The following NHSL1 variants were observed in gnomAD, a reference collection of about 807,000 sequenced individuals.
NHSL1 encodes NHS-like protein 1.
NHSL1 carries 48 observed loss-of-function variants against 95.0 expected under a neutral mutation model. That is an observed-to-expected ratio of 0.51 (90% CI 0.40 to 0.64). The LOEUF (loss-of-function observed/expected upper bound fraction) is 0.64. NHSL1 is among the 30% of genes least tolerant of loss of function. NHSL1 has a pLI of 0.00. For missense variants in NHSL1, 1,971 were observed against 2,077.7 expected (o/e 0.95, Z 1.00); for synonymous variants, 783 against 833.9 (o/e 0.94, Z 1.05).
At chr6:138,472,237 G>T (rs1219220637) in intron 3 of NHSL1, among the ~76,000 whole-genome samples, 1 of 149,564 alleles carries the variant, frequency 6.7e-6, no homozygotes, top group African/African-American at 2.5e-5. Flanking sequence ...ATCATTTGAA[G>T]ATCAAAAATT....
intron 3 of NHSL1, among the ~76,000 whole-genome samples, chr6:138,458,280 T>C (rs542445928): frequency 1.3e-3 from 199 of 152,328 alleles, no homozygotes; most frequent in African/African-American, 4.5e-3. Flanking sequence ...CCTAACTCTA[T>C]GTTCTCATAC....
chr6:138,479,134 G>A (rs1441218565), intron 2 of NHSL1, among the ~76,000 whole-genome samples: 1 of 152,134 alleles, frequency 6.6e-6, no homozygotes, highest in Non-Finnish European at 1.5e-5. Flanking sequence ...CTATTGCTAT[G>A]TTTTTTTCCT....
At chr6:138,575,101 G>C (rs1263754234), upstream of NHSL1, among the ~76,000 whole-genome samples, 1 of 152,096 alleles carries the variant, frequency 6.6e-6, no homozygotes, top group East Asian at 1.9e-4. Flanking sequence ...GTTTCTCCAT[G>C]TTGGTCAGGC....
chr6:138,452,661 C>T (rs1417308431), intron 3 of NHSL1, among the ~76,000 whole-genome samples: 1 of 152,192 alleles, frequency 6.6e-6, no homozygotes, highest in East Asian at 1.9e-4. Flanking sequence ...GATGCTCTTC[C>T]TCCCAGAATT....
At chr6:138,613,488 T>C (rs915645699) in intron 1 of NHSL1, among the ~76,000 whole-genome samples, 3 of 152,098 alleles carry the variant, frequency 2.0e-5, no homozygotes, top group Admixed American at 6.5e-5. Context: ...AGCATGGGAA[T>C]GGAATGCCAG....
chr6:138,488,770 C>T (rs182270012), intron 2 of NHSL1, among the ~76,000 whole-genome samples: 2 of 152,342 alleles, frequency 1.3e-5, no homozygotes, highest in Admixed American at 1.3e-4. Flanking sequence ...TCCCTGTGAA[C>T]TTCCATAAAG....
intron 1 of NHSL1, among the ~76,000 whole-genome samples, chr6:138,521,378 A>AC (rs969133391): frequency 6.6e-6 from 1 of 151,908 alleles, no homozygotes; most frequent in Non-Finnish European, 1.5e-5. Flanking sequence ...AAGCGGGAAG[A>AC]CCCCTTGAGC....
At chr6:138,567,866 C>T (rs998129495) in intron 1 of NHSL1, among the ~76,000 whole-genome samples, 31 of 152,262 alleles carry the variant, frequency 2.0e-4, no homozygotes, top group Admixed American at 4.6e-4. Context: ...CAAGGCTTTG[C>T]ATGTCAATTA....
intron 3 of NHSL1, among the ~76,000 whole-genome samples, chr6:138,465,976 G>C (rs1159896035): frequency 6.8e-6 from 1 of 147,932 alleles, no homozygotes; most frequent in Non-Finnish European, 1.5e-5. Context: ...CACCCACCTC[G>C]GACTTCCAAA....
At position 138,422,862 on chromosome 6, in the gene NHSL1, T is replaced by A. The variant is rs944552242; in HGVS notation, c.*1219A>T. 3.9e-5 allele frequency: 6 copies of A among 152,254 alleles called. No homozygotes were observed. The East Asian group carries it at 1.2e-3, about 29-fold the overall frequency. 9.4% of individuals were successfully genotyped at this position (152,254 alleles called of 1,614,324 possible). On this transcript the variant is annotated 3_prime_UTR_variant, in exon 8 of 8. Coordinates refer to ENST00000343505, the MANE Select transcript of NHSL1 (RefSeq NM_001144060.2). Reference sequence around the variant, plus strand: ...AATTGATAGCCAGGCCCTACCAATTTTTATCAGTTTATTTGACTAACAAGA... The same window carrying A: ...AATTGATAGCCAGGCCCTACCAATTATTATCAGTTTATTTGACTAACAAGA...
At chr6:138,624,909 C>T (rs1784714966) in intron 1 of NHSL1, among the ~76,000 whole-genome samples, 1 of 152,034 alleles carries the variant, frequency 6.6e-6, no homozygotes, top group African/African-American at 2.4e-5. Flanking sequence ...TCCTGAAGTT[C>T]TTTGCAAGGT....
intron 1 of NHSL1, among the ~76,000 whole-genome samples, chr6:138,586,528 A>G (rs1420581206): frequency 6.6e-6 from 1 of 152,246 alleles, no homozygotes; most frequent in Admixed American, 6.5e-5. Flanking sequence ...AAGAATTAAT[A>G]TGTCAATATA....
At chr6:138,428,632 T>A (rs1583132350) in intron 7 of NHSL1, among the ~76,000 whole-genome samples, 1 of 152,364 alleles carries the variant, frequency 6.6e-6, no homozygotes, top group East Asian at 1.9e-4. Flanking sequence ...TAGATGTTAA[T>A]GTGTTGCATG....
chr6:138,508,467 C>T (rs550028264), intron 1 of NHSL1, among the ~76,000 whole-genome samples: 1 of 152,320 alleles, frequency 6.6e-6, no homozygotes, highest in Non-Finnish European at 1.5e-5. Context: ...TGAAGAAAGT[C>T]ATAAGGAACA....
chr6:138,568,958 A>G (rs972280114), intron 1 of NHSL1, among the ~76,000 whole-genome samples: 4 of 152,208 alleles, frequency 2.6e-5, no homozygotes, highest in African/African-American at 7.2e-5. Flanking sequence ...CCCTATTAAA[A>G]GACCTTCTGT....
rs138008594 is a variant in NHSL1 at position 138,578,739 on chromosome 6, A to C, written c.97-82368T>G. Reference sequence around the variant, plus strand: ...TGTATTAAGCACTTAAAATCATAGGAGATCTTATTGAAATGCAGAGTGTGA... The same window carrying C: ...TGTATTAAGCACTTAAAATCATAGGCGATCTTATTGAAATGCAGAGTGTGA... On this transcript the variant is annotated intron_variant, in intron 1 of 3. Coordinates refer to the NHSL1 transcript ENST00000491526. 5.1e-3 allele frequency among the ~76,000 whole-genome samples: 774 copies of C among 151,954 alleles called. 28 individuals carry two copies. Among genetic ancestry groups the C allele is most frequent in the Admixed American group, 0.047 (722 of 15,254 alleles).
chr6:138,491,795 T>C (rs1780093919), intron 2 of NHSL1, among the ~76,000 whole-genome samples: 1 of 152,202 alleles, frequency 6.6e-6, no homozygotes, highest in Non-Finnish European at 1.5e-5. Flanking sequence ...GATTTGGGTT[T>C]TTTTCTGATT....
In NHSL1 at chr6:138,451,008, A is replaced by G. The variant is rs148830359; in HGVS notation, c.340-3815T>C. ...ATCCTCCCCTGCTCCTCCTCTTCCAATAGTCTACTCTCAATACAGCAGGCG... is the reference window on the plus strand; with the variant it reads ...ATCCTCCCCTGCTCCTCCTCTTCCAGTAGTCTACTCTCAATACAGCAGGCG... On this transcript the variant is annotated intron_variant, in intron 3 of 7. Coordinates refer to ENST00000343505, the MANE Select transcript of NHSL1 (RefSeq NM_001144060.2). Among the ~76,000 whole-genome samples the G allele has an allele frequency of 1.1e-4, 16 of 152,088 alleles. No homozygotes were observed. The East Asian group carries it at 2.9e-3, about 28-fold the overall frequency.
At chr6:138,523,184 G>C (rs762739439) in intron 1 of NHSL1, among the ~76,000 whole-genome samples, 25 of 152,024 alleles carry the variant, frequency 1.6e-4, no homozygotes, top group Non-Finnish European at 3.5e-4. Context: ...AAAGTTTTGC[G>C]GCACACCAAG....
Sources: gnomAD v4.1 joint callset for allele counts (sites outside exome capture counted in the v4.1 genomes callset) on GRCh38, gnomAD v4.1.1 for gene constraint, MANE v1.5 for transcripts, NCBI Gene and HGNC (gene_info 2026-07-23, HGNC 2026-07-21) for gene names.